SPTLC1: variants seen among roughly 807,000 people sequenced by gnomAD.
SPTLC1 encodes serine palmitoyltransferase long chain base subunit 1.
A neutral mutation model predicts 68.9 loss-of-function variants in SPTLC1; 55 were observed. That is an observed-to-expected ratio of 0.80 (90% CI 0.64 to 1.00). The LOEUF is 1.00. Among genes scored for constraint, SPTLC1 ranks in the 50% least tolerant of loss-of-function variants. SPTLC1 has a pLI of 0.00. For synonymous variants in SPTLC1, 197 were observed against 201.6 expected (o/e 0.98, Z 0.19); for missense variants, 449 against 573.1 (o/e 0.78, Z 2.21).
intron 8 of SPTLC1, chr9:92,053,848 C>T (rs2118498536): frequency 3.3e-5 from 21 of 635,508 alleles, no homozygotes; most frequent in Middle Eastern, 7.9e-4. Flanking sequence ...TTGATGGTTG[C>T]ACACATGGTA....
At chr9:92,048,923 A>C (rs960097477) in intron 9 of SPTLC1, among the ~76,000 whole-genome samples, 9 of 152,208 alleles carry the variant, frequency 5.9e-5, no homozygotes, top group Admixed American at 2.6e-4. Context: ...TATTTCCCAA[A>C]GTGACAACTG....
intron 6 of SPTLC1, 93 bp downstream of exon 6, chr9:92,067,873 T>C (rs576645087): frequency 2.1e-6 from 3 of 1,452,462 alleles, no homozygotes; most frequent in Non-Finnish European, 2.9e-6. Flanking sequence ...CAGCATTATT[T>C]TATGCAGATA....
chr9:92,101,752 GA>G (rs972283238), intron 3 of SPTLC1, among the ~76,000 whole-genome samples: 2 of 148,904 alleles, frequency 1.3e-5, no homozygotes, highest in African/African-American at 2.5e-5. Flanking sequence ...GAAAAAAGGA[GA>G]AAAAAAGAGT....
intron 3 of SPTLC1, among the ~76,000 whole-genome samples, chr9:92,092,974 A>G (rs1464801230): frequency 6.6e-6 from 1 of 152,212 alleles, no homozygotes; most frequent in East Asian, 1.9e-4. Context: ...TTCTGTAATA[A>G]GGAATACGTA....
intron 3 of SPTLC1, among the ~76,000 whole-genome samples, chr9:92,086,975 C>T (rs1284925440): frequency 6.6e-6 from 1 of 152,194 alleles, no homozygotes; most frequent in Non-Finnish European, 1.5e-5. Flanking sequence ...CTTCCCTTCT[C>T]ACTTCATTTC....
intron 7 of SPTLC1, among the ~76,000 whole-genome samples, chr9:92,056,719 A>T (rs2118517923): frequency 6.6e-6 from 1 of 152,312 alleles, no homozygotes; most frequent in South Asian, 2.1e-4. Flanking sequence ...CCAATGGACA[A>T]TTAGAAATGA....
intron 6 of SPTLC1, among the ~76,000 whole-genome samples, chr9:92,060,186 C>T (rs1267112041): frequency 1.3e-5 from 2 of 152,256 alleles, no homozygotes; most frequent in East Asian, 3.9e-4. Flanking sequence ...TCCCCTAGCC[C>T]CTTCCCCTGT....
chr9:92,048,056 A>G (rs1016615860), intron 9 of SPTLC1, among the ~76,000 whole-genome samples: 1 of 152,228 alleles, frequency 6.6e-6, no homozygotes, highest in African/African-American at 2.4e-5. Flanking sequence ...TCGCTAAAAC[A>G]GTGGTCTAGC....
At chr9:92,066,188 T>C (rs1587936882) in intron 6 of SPTLC1, among the ~76,000 whole-genome samples, 1 of 152,028 alleles carries the variant, frequency 6.6e-6, no homozygotes, top group East Asian at 1.9e-4. Flanking sequence ...AAAAGAAAAG[T>C]ACAGTAAGTA....
At chr9:92,101,270 G>T (rs1243741388) in intron 3 of SPTLC1, among the ~76,000 whole-genome samples, 1 of 151,836 alleles carries the variant, frequency 6.6e-6, no homozygotes, top group Non-Finnish European at 1.5e-5. Context: ...TACCATTAAA[G>T]AAAACAAACA....
At chr9:92,047,358 AAC>A in intron 10 of SPTLC1, 90 bp from the exon 11 acceptor site, 2 of 1,075,300 alleles carry the variant, frequency 1.9e-6, no homozygotes, top group African/African-American at 3.1e-5. Context: ...ACAACTACTG[AAC>A]AGTGTGTACA....
chr9:92,091,014 TA>T (rs1252585471), intron 3 of SPTLC1, among the ~76,000 whole-genome samples: 1 of 152,238 alleles, frequency 6.6e-6, no homozygotes, highest in African/African-American at 2.4e-5. Flanking sequence ...CTACTTTCCC[TA>T]AGCCATCTAA....
At chr9:92,045,547 A>AC (rs1309100348) in intron 12 of SPTLC1, among the ~76,000 whole-genome samples, 1 of 147,026 alleles carries the variant, frequency 6.8e-6, no homozygotes, top group African/African-American at 2.5e-5. Context: ...AAAAAAAAAA[A>AC]AAAAACACTG....
intron 3 of SPTLC1, among the ~76,000 whole-genome samples, chr9:92,083,744 G>A (rs988117416): frequency 6.6e-6 from 1 of 152,076 alleles, no homozygotes; most frequent in African/African-American, 2.4e-5. Flanking sequence ...GGTTCCATAT[G>A]AACTTTAAAG....
At chr9:92,101,315 C>A (rs142222928) in intron 3 of SPTLC1, among the ~76,000 whole-genome samples, 2,682 of 151,990 alleles carry the variant, frequency 0.018, 206 homozygotes, top group Admixed American at 0.14. Flanking sequence ...GTAATCCCAG[C>A]ACTTTGGAAG....
At chr9:92,099,480 CT>C (rs201801428) in intron 3 of SPTLC1, among the ~76,000 whole-genome samples, 12,870 of 141,716 alleles carry the variant, frequency 0.091, 1,404 homozygotes, top group African/African-American at 0.27. Context: ...TTTTACTGTA[CT>C]TTTTTTTTTT....
At chr9:92,079,353 G>C in intron 5 of SPTLC1, 1 of 1,418,368 alleles carries the variant, frequency 7.1e-7, no homozygotes, top group Non-Finnish European at 9.2e-7. Context: ...TGGGATTACA[G>C]GCATGAGCCA....
intron 12 of SPTLC1, among the ~76,000 whole-genome samples, chr9:92,040,265 G>T (rs1222428926): frequency 6.6e-6 from 1 of 151,976 alleles, no homozygotes; most frequent in Admixed American, 6.6e-5. Context: ...AGCTACTCGG[G>T]AGGCTGAGGT....
chr9:92,051,162 C>T lies in SPTLC1; in HGVS notation c.781-1095G>A, dbSNP rs1048773427. Reference sequence around the variant, plus strand: ...AAAAACAAAAAGAAGAAAACAAATACATCTCTTCTATTGATACTTAAAATA... The same window carrying T: ...AAAAACAAAAAGAAGAAAACAAATATATCTCTTCTATTGATACTTAAAATA... On this transcript the variant is annotated intron_variant, in intron 8 of 14. Transcript: ENST00000262554. 4 of 981,902 alleles carry T rather than the reference C, an allele frequency of 4.1e-6. No homozygotes were observed. In the African/African-American group the frequency reaches 7.0e-5, roughly 17 times the overall value. The allele number at this position is 981,902 out of a possible 1,614,324, so 60.8% of individuals were successfully genotyped here. A position where few individuals can be genotyped will look rare whatever the true frequency, so the allele number is the denominator to read the frequency against.
Sources: gnomAD v4.1 joint callset for allele counts (sites outside exome capture counted in the v4.1 genomes callset) on GRCh38, gnomAD v4.1.1 for gene constraint, MANE v1.5 for transcripts, NCBI Gene and HGNC (gene_info 2026-07-23, HGNC 2026-07-21) for gene names.